HK2: variants seen among roughly 807,000 people sequenced by gnomAD.
The protein encoded by HK2 is hexokinase 2, also known as hexokinase-2.
HK2 carries 42 observed loss-of-function variants against 92.9 expected under a neutral mutation model. The observed-to-expected ratio is 0.45, with a 90% CI of 0.35 to 0.58. The LOEUF (loss-of-function observed/expected upper bound fraction) is 0.58. HK2 is among the 20% of genes least tolerant of loss of function. The pLI, the probability that HK2 is intolerant of heterozygous loss-of-function variation, is 0.00. For synonymous variants in HK2, 422 were observed against 468.0 expected (o/e 0.90, Z 1.27); for missense variants, 978 against 1,245.1 (o/e 0.79, Z 3.23).
chr2:74,856,874 C>T (rs1688708283), intron 2 of HK2, among the ~76,000 whole-genome samples: 1 of 152,216 alleles, frequency 6.6e-6, no homozygotes, highest in Admixed American at 6.5e-5. Context: ...CGCTGGAGCA[C>T]ACTGCAAATG....
intron 2 of HK2, among the ~76,000 whole-genome samples, chr2:74,854,918 C>G (rs1370010115): frequency 6.6e-6 from 1 of 152,172 alleles, no homozygotes; most frequent in Non-Finnish European, 1.5e-5. Flanking sequence ...GCAGATTGAC[C>G]TAGATTTTTT....
intron 1 of HK2, among the ~76,000 whole-genome samples, chr2:74,840,150 G>A (rs1688269216): frequency 1.3e-5 from 2 of 150,622 alleles, no homozygotes; most frequent in South Asian, 4.2e-4. Flanking sequence ...TAGAGATGGG[G>A]TTTTTCACTG....
intron 1 of HK2, among the ~76,000 whole-genome samples, chr2:74,845,756 G>A (rs1688420421): frequency 6.6e-6 from 1 of 152,220 alleles, no homozygotes; most frequent in Non-Finnish European, 1.5e-5. Context: ...CTGAGTTTCG[G>A]TTCATGGGCT....
intron 6 of HK2, 30 bp from the exon 7 acceptor site, chr2:74,874,236 C>T (rs1470138528): frequency 1.2e-6 from 2 of 1,613,132 alleles, no homozygotes; most frequent in East Asian, 2.2e-5. Flanking sequence ...CCGGAGCAGG[C>T]GTGTGCATAG....
At chr2:74,864,679 G>A (rs11126442) in intron 2 of HK2, among the ~76,000 whole-genome samples, 37,335 of 151,948 alleles carry the variant, frequency 0.25, 5,054 homozygotes, top group East Asian at 0.5. Context: ...GCAAATTTTT[G>A]TATTATTAGT....
In HK2 at chr2:74,882,205, TCTC is replaced by T. The variant is rs1216421504; in HGVS notation, c.1808_1810del (p.Ser603del). ...GTGTCCCTGCCTCTGGGTTTTACCT[TCTC>T]CTTCCCCTGCCAGCAGAACAGCCTG... is the stretch of plus-strand genomic sequence containing the variant. On this transcript the variant is annotated inframe_deletion, in exon 12 of 18. Transcript: ENST00000290573. The T allele has an allele frequency of 1.2e-6, 2 of 1,613,952 alleles. No homozygotes were observed. Among genetic ancestry groups the T allele is most frequent in the African/African-American group, 1.3e-5 (1 of 74,906 alleles).
At chr2:74,838,537 A>AT (rs1278313162) in intron 1 of HK2, among the ~76,000 whole-genome samples, 18,777 of 126,636 alleles carry the variant, frequency 0.15, 1,545 homozygotes, top group Non-Finnish European at 0.17. Context: ...GATTCTTTCT[A>AT]TTTTTTTTTT....
chr2:74,856,567 C>A (rs993309828), intron 2 of HK2, among the ~76,000 whole-genome samples: 1 of 152,210 alleles, frequency 6.6e-6, no homozygotes, highest in Non-Finnish European at 1.5e-5. Flanking sequence ...TTTCACCCAG[C>A]ACTAACACTA....
intron 1 of HK2, among the ~76,000 whole-genome samples, chr2:74,853,518 AAACAACAACAACAACAACAACAAC>A (rs146960066): frequency 9.1e-5 from 13 of 143,482 alleles, no homozygotes; most frequent in East Asian, 4.2e-4. Flanking sequence ...CTCAGCCTCA[AAACAACAACAACAACAACAACAAC>A]AACAACAACA....
intron 1 of HK2, among the ~76,000 whole-genome samples, chr2:74,849,670 T>C (rs977303884): frequency 4.6e-5 from 7 of 151,834 alleles, no homozygotes; most frequent in African/African-American, 1.7e-4. Flanking sequence ...TGACCCTGGG[T>C]GGAGAGAAGC....
At chr2:74,886,763 G>T (rs746574858) in intron 15 of HK2, 90 bp downstream of exon 15, 425 of 1,334,070 alleles carry the variant, frequency 3.2e-4, no homozygotes, top group Non-Finnish European at 3.8e-4. Flanking sequence ...CTCCCAGGAC[G>T]CCGGTTCTCG....
intron 6 of HK2, 140 bp downstream of exon 6, chr2:74,874,083 G>A (rs1374726855): frequency 9.3e-6 from 9 of 965,046 alleles, no homozygotes; most frequent in Middle Eastern, 2.2e-4. Context: ...TTGGAGAGCC[G>A]AGCAGGGACT....
At chr2:74,864,781 A>G (rs1688908911) in intron 2 of HK2, among the ~76,000 whole-genome samples, 1 of 152,248 alleles carries the variant, frequency 6.6e-6, no homozygotes, top group African/African-American at 2.4e-5. Flanking sequence ...TGCTGGGAAT[A>G]CAAGCATGAG....
intron 2 of HK2, among the ~76,000 whole-genome samples, chr2:74,865,330 G>A (rs182409884): frequency 2.6e-4 from 40 of 152,196 alleles, no homozygotes; most frequent in Admixed American, 1.1e-3. Flanking sequence ...CACACCACCC[G>A]TTCTTGGTGG....
rs147555773 is a variant in HK2 at position 74,889,375 on chromosome 2, G to T, written c.2506G>T (p.Ala836Ser). 1 of 1,614,186 alleles carries T rather than the reference G, an allele frequency of 6.2e-7. No individual in the cohort carries two copies. The highest frequency in any genetic ancestry group is 1.1e-5 in the South Asian group (1 of 91,080). Residue 836 changes from alanine to serine, a missense_variant, in exon 17 of 18, where the codon GCA (alanine) becomes TCA (serine). Around this residue, in one of 3 missense-constraint regions of HK2, gnomAD observed 742 missense variants for 922.5 expected, o/e 0.80. Transcript: ENST00000290573. ...VARRAAQLCGAGMAAVVDRIR... is the reference protein window; with the variant it reads ...VARRAAQLCGSGMAAVVDRIR... Reference sequence around the variant, plus strand: ...CCGGCGGGCAGCCCAGCTCTGTGGCGCAGGCATGGCCGCTGTGGTGGACAG... The same window carrying T: ...CCGGCGGGCAGCCCAGCTCTGTGGCTCAGGCATGGCCGCTGTGGTGGACAG...
chr2:74,854,878 C>T (rs556406562), intron 2 of HK2, among the ~76,000 whole-genome samples: 63 of 152,274 alleles, frequency 4.1e-4, no homozygotes, highest in South Asian at 1.9e-3. Context: ...CGCCGGACGC[C>T]GTGTAGGCAT....
At chr2:74,870,572 T>A (rs1689074352) in intron 3 of HK2, among the ~76,000 whole-genome samples, 1 of 150,718 alleles carries the variant, frequency 6.6e-6, no homozygotes, top group Non-Finnish European at 1.5e-5. Flanking sequence ...TTTTTTTTTT[T>A]TTTGGGATAA....
chr2:74,839,185 G>A (rs939632123), intron 1 of HK2, among the ~76,000 whole-genome samples: 3 of 152,152 alleles, frequency 2.0e-5, no homozygotes, highest in African/African-American at 4.8e-5. Context: ...GGCCCTCTGA[G>A]TGTGATATGG....
chr2:74,872,543 C>A, intron 4 of HK2, 124 bp downstream of exon 4: 1 of 1,283,456 alleles, frequency 7.8e-7, no homozygotes, highest in South Asian at 1.2e-5. Flanking sequence ...TGAAGTTCTG[C>A]CTTTCTGGGT....
Sources: allele counts gnomAD v4.1 joint callset (sites outside exome capture counted in the v4.1 genomes callset), GRCh38; gene constraint gnomAD v4.1.1; regional missense constraint gnomAD v4.1.1; transcripts MANE v1.5; gene names NCBI Gene and HGNC (gene_info 2026-07-23, HGNC 2026-07-21).